LMNA: variants seen among roughly 807,000 people sequenced by gnomAD.
LMNA encodes the protein lamin.
In LMNA, 20 loss-of-function variants were observed where a neutral mutation model predicts 70.4. The observed-to-expected ratio is 0.28, with a 90% CI of 0.20 to 0.41. The LOEUF (loss-of-function observed/expected upper bound fraction) is 0.41, where lower values mean the gene tolerates loss of function less well. LMNA is among the 10% of genes least tolerant of loss of function. The probability of loss-of-function intolerance (pLI) is 1.00; values close to 1 mark genes in which losing one functional copy is unlikely to be tolerated. For synonymous variants in LMNA, 339 were observed against 372.8 expected, an observed-to-expected ratio of 0.91 and a Z score of 1.04; for missense variants, 652 against 917.2, an observed-to-expected ratio of 0.71 and a Z score of 3.73.
chr1:156,135,403 G>T lies in LMNA; in HGVS notation c.936+91G>T. 1.4e-6 allele frequency: 2 copies of T among 1,417,712 alleles called. No individual in the cohort carries two copies. Among genetic ancestry groups the T allele is most frequent in the Admixed American group, 2.0e-5 (1 of 50,520 alleles). 87.8% of individuals were successfully genotyped at this position (1,417,712 alleles called of 1,614,324 possible). A position where few individuals can be genotyped will look rare whatever the true frequency, so the allele number is the denominator to read the frequency against. ...CAGGGTTGGGGGTGGGGGTGGGGGTGGGAGGTTCCTGAGGAGGAGAGGGAT... is the reference window on the plus strand; with the variant it reads ...CAGGGTTGGGGGTGGGGGTGGGGGTTGGAGGTTCCTGAGGAGGAGAGGGAT... On this transcript the variant is annotated intron_variant, in intron 5 of 11. Transcript: ENST00000368300. This position sits in a 1 kb window ranked among gnomAD's most constrained non-coding sequence, Gnocchi z 4.8.
Position 156,139,855 on chromosome 1 carries a change from G to A in LMNA, c.*749G>A, listed in dbSNP as rs1057521412. The A allele has an allele frequency of 2.0e-6, 3 of 1,507,426 alleles. No homozygotes were observed. Among genetic ancestry groups the A allele is most frequent in the Non-Finnish European group, 2.6e-6 (3 of 1,133,086 alleles). The allele number at this position is 1,507,426 out of a possible 1,614,324, so 93.4% of individuals were successfully genotyped here. A position where few individuals can be genotyped will look rare whatever the true frequency, so the allele number is the denominator to read the frequency against. On this transcript the variant is annotated 3_prime_UTR_variant, in exon 12 of 12. Coordinates refer to ENST00000368300, the MANE Select transcript of LMNA (RefSeq NM_170707.4). ...CCTTCCCTAGCTTTAGACCCTGGGT[G>A]GGCTCTGTGCAGTCACTGGAGGTTG...
chr1:156,136,484 G>C lies in LMNA; in HGVS notation c.1380+48G>C. On this transcript the variant is annotated intron_variant, in intron 7 of 11. Transcript: ENST00000368300. The surrounding 1 kb of genome is among the most constrained non-coding windows in gnomAD (Gnocchi z 6.1). ...AGGGGATACAGCTGCATCAGGGAGAGAGTGGCAAGACAGAAGGATGGCATG... is the reference window on the plus strand; with the variant it reads ...AGGGGATACAGCTGCATCAGGGAGACAGTGGCAAGACAGAAGGATGGCATG... 1.3e-6 allele frequency: 2 copies of C among 1,514,458 alleles called. No homozygotes were observed. Among genetic ancestry groups the C allele is most frequent in the Non-Finnish European group, 1.8e-6 (2 of 1,118,422 alleles). The allele number at this position is 1,514,458 out of a possible 1,614,324, so 93.8% of individuals were successfully genotyped here. A position where few individuals can be genotyped will look rare whatever the true frequency, so the allele number is the denominator to read the frequency against.
chr1:156,124,251 T>G (rs551824146), intron 1 of LMNA, among the ~76,000 whole-genome samples: 112 of 152,160 alleles, frequency 7.4e-4, no homozygotes, highest in African/African-American at 2.6e-3. Flanking sequence ...AAGGGGCTTC[T>G]AAGTCCCTGG....
chr1:156,099,830 G>A (rs1201001438), intron 3 of LMNA, among the ~76,000 whole-genome samples: 3 of 147,264 alleles, frequency 2.0e-5, no homozygotes, highest in African/African-American at 7.6e-5. Context: ...AGGCTGCAGT[G>A]AGCCGAGATG....
upstream of LMNA, among the ~76,000 whole-genome samples, chr1:156,114,339 C>T (rs1341274481): frequency 1.3e-5 from 2 of 152,296 alleles, no homozygotes; most frequent in East Asian, 3.9e-4. Context: ...TCCTGGCTCC[C>T]AGCCCTGCCT....
intron 1 of LMNA, among the ~76,000 whole-genome samples, chr1:156,125,604 G>T (rs1467579119): frequency 6.6e-6 from 1 of 152,036 alleles, no homozygotes; most frequent in Admixed American, 6.6e-5. Context: ...CACAAGAATT[G>T]CTTGAACCTG....
At chr1:156,125,236 G>A (rs1048936506) in intron 1 of LMNA, among the ~76,000 whole-genome samples, 4 of 152,230 alleles carry the variant, frequency 2.6e-5, no homozygotes, top group African/African-American at 7.2e-5. Context: ...GAGGGGTAGG[G>A]AGGTTTTGGG....
At position 156,137,629 on chromosome 1, in the gene LMNA, G is replaced by C. The variant is rs914555397; in HGVS notation, c.1609-25G>C. The C allele has an allele frequency of 6.5e-7, 1 of 1,546,980 alleles. No homozygotes were observed. The highest frequency in any genetic ancestry group is 8.7e-7 in the Non-Finnish European group (1 of 1,142,960). On this transcript the variant is annotated intron_variant, in intron 9 of 11. Transcript: ENST00000368300. The surrounding 1 kb of genome is among the most constrained non-coding windows in gnomAD (Gnocchi z 4.6). ...CAACCCTTCCCTGGCCCTGACCCTT[G>C]GACCTGGTTCCATGTCCCCACCAGG...
Position 156,138,328 on chromosome 1 carries a change from C to T in LMNA, c.1699-160C>T. The T allele has an allele frequency of 1.4e-6, 1 of 710,108 alleles. No homozygotes were observed. The highest frequency in any genetic ancestry group is 2.3e-6 in the Non-Finnish European group (1 of 430,868). 44.0% of individuals were successfully genotyped at this position (710,108 alleles called of 1,614,324 possible). A position where few individuals can be genotyped will look rare whatever the true frequency, so the allele number is the denominator to read the frequency against. On this transcript the variant is annotated intron_variant, in intron 10 of 11. Transcript: ENST00000368300. The surrounding 1 kb of genome is among the most constrained non-coding windows in gnomAD (Gnocchi z 5.5). Reference sequence around the variant, plus strand: ...TATGTCTTCCCTCTCCTCCTCCGGGCCCCTAGCCTCCCAAACCCCCATTGC... The same window carrying T: ...TATGTCTTCCCTCTCCTCCTCCGGGTCCCTAGCCTCCCAAACCCCCATTGC...
chr1:156,126,871 G>A, intron 1 of LMNA: 1 of 1,611,686 alleles, frequency 6.2e-7, no homozygotes, highest in Non-Finnish European at 8.5e-7. Flanking sequence ...TGCTGGCACA[G>A]CACCCGGCCT....
chr1:156,100,616 G>T (rs1449201064), intron 3 of LMNA, among the ~76,000 whole-genome samples: 8 of 152,152 alleles, frequency 5.3e-5, no homozygotes, highest in Admixed American at 5.2e-4. Flanking sequence ...GGCAGTGAAG[G>T]TGGGGCCTGC....
At position 156,115,743 on chromosome 1, in the gene LMNA, CAT is replaced by C. The variant is rs1215125080; in HGVS notation, c.356+470_356+471del. 6.6e-6 allele frequency among the ~76,000 whole-genome samples: 1 copy of C among 152,248 alleles called. No individual in the cohort carries two copies. Among genetic ancestry groups the C allele is most frequent in the East Asian group, 1.9e-4 (1 of 5,194 alleles). On this transcript the variant is annotated intron_variant, in intron 1 of 11. Transcript: ENST00000368300. The surrounding 1 kb of genome is among the most constrained non-coding windows in gnomAD (Gnocchi z 5.8). ...GCTTTGCCCAAGCTGGCTCTGAACA[CAT>C]GATGCCCACTAAGACATAACTCTCA...
chr1:156,100,046 G>A (rs1029344925), intron 3 of LMNA, among the ~76,000 whole-genome samples: 1 of 152,030 alleles, frequency 6.6e-6, no homozygotes, highest in Non-Finnish European at 1.5e-5. Flanking sequence ...ATCCAGCCTG[G>A]CATAGCACCT....
chr1:156,110,616 G>T (rs1649499400), upstream of LMNA, among the ~76,000 whole-genome samples: 1 of 152,078 alleles, frequency 6.6e-6, no homozygotes, highest in Admixed American at 6.5e-5. Flanking sequence ...AGGCTGAGGT[G>T]GGAGGATCAC....
chr1:156,135,705 A>G lies in LMNA; in HGVS notation c.937-196A>G. 2 of 612,262 alleles carry G rather than the reference A, an allele frequency of 3.3e-6. No individual in the cohort carries two copies. Among genetic ancestry groups the G allele is most frequent in the East Asian group, 5.5e-5 (2 of 36,328 alleles). The allele number at this position is 612,262 out of a possible 1,614,324, so 37.9% of individuals were successfully genotyped here. Reference sequence around the variant, plus strand: ...CGAGAGGTTTCAGTTAGACAAGGGGAAGGACTTCCCAGTTGCCAGCCAAGA... The same window carrying G: ...CGAGAGGTTTCAGTTAGACAAGGGGGAGGACTTCCCAGTTGCCAGCCAAGA... On this transcript the variant is annotated intron_variant, in intron 5 of 11. Coordinates refer to ENST00000368300, the MANE Select transcript of LMNA (RefSeq NM_170707.4). The surrounding 1 kb of genome is among the most constrained non-coding windows in gnomAD (Gnocchi z 4.8).
chr1:156,138,298 C>T lies in LMNA; in HGVS notation c.1699-190C>T, dbSNP rs1651841654. On this transcript the variant is annotated intron_variant, in intron 10 of 11. Coordinates refer to ENST00000368300, the MANE Select transcript of LMNA (RefSeq NM_170707.4). The surrounding 1 kb of genome is among the most constrained non-coding windows in gnomAD (Gnocchi z 5.5). ...CCCCAAGTCTTCCTGAGCCTTCTCCCCTTTTATGTCTTCCCTCTCCTCCTC... is the reference window on the plus strand; with the variant it reads ...CCCCAAGTCTTCCTGAGCCTTCTCCTCTTTTATGTCTTCCCTCTCCTCCTC... 2 of 619,774 alleles carry T rather than the reference C, an allele frequency of 3.2e-6. No individual in the cohort carries two copies. Among genetic ancestry groups the T allele is most frequent in the African/African-American group, 1.8e-5 (1 of 54,320 alleles). The allele number at this position is 619,774 out of a possible 1,614,324, so 38.4% of individuals were successfully genotyped here.
intron 1 of LMNA, 90 bp from the exon 2 acceptor site, chr1:156,130,527 C>T (rs1447712105): frequency 5.1e-6 from 7 of 1,384,966 alleles, no homozygotes; most frequent in Non-Finnish European, 7.2e-6. Flanking sequence ...CATAGCAGCG[C>T]CAGCCCCCAT....
chr1:156,137,272 C>T lies in LMNA; in HGVS notation c.1608+40C>T. Reference sequence around the variant, plus strand: ...GCCTGGCTGCTTGCTGGACGAGGCTCCCCCTGATGGCCAACATCGGAGCCA... The same window carrying T: ...GCCTGGCTGCTTGCTGGACGAGGCTTCCCCTGATGGCCAACATCGGAGCCA... On this transcript the variant is annotated intron_variant, in intron 9 of 11. Coordinates refer to ENST00000368300, the MANE Select transcript of LMNA (RefSeq NM_170707.4). This position sits in a 1 kb window ranked among gnomAD's most constrained non-coding sequence, Gnocchi z 4.6. The T allele has an allele frequency of 4.5e-6, 7 of 1,542,532 alleles. No homozygotes were observed. Among genetic ancestry groups the T allele is most frequent in the Non-Finnish European group, 5.2e-6 (6 of 1,149,216 alleles).
intron 2 of LMNA, among the ~76,000 whole-genome samples, chr1:156,083,783 C>CA (rs1388190577): frequency 4.6e-5 from 7 of 151,722 alleles, no homozygotes; most frequent in Non-Finnish European, 1.0e-4. Context: ...GTCCCCCCCA[C>CA]AAAAAAACAA....
Sources: gnomAD v4.1 joint callset for allele counts (sites outside exome capture counted in the v4.1 genomes callset) on GRCh38, gnomAD v4.1.1 for gene constraint, Gnocchi (gnomAD v3.1) non-coding constraint, MANE v1.5 for transcripts, NCBI Gene and HGNC (gene_info 2026-07-23, HGNC 2026-07-21) for gene names.